HMGCLL1: variants seen among roughly 807,000 people sequenced by gnomAD.
HMGCLL1 encodes the protein 3-hydroxy-3-methylglutaryl-CoA lyase like 1.
A neutral mutation model predicts 39.1 loss-of-function variants in HMGCLL1; 36 were observed. That is an observed-to-expected ratio of 0.92 (90% CI 0.71 to 1.22). The LOEUF is 1.22. Among genes scored for constraint, HMGCLL1 ranks in the 50% most tolerant of loss-of-function variants. The probability of loss-of-function intolerance (pLI) is 0.00; values close to 1 mark genes in which losing one functional copy is unlikely to be tolerated. For synonymous variants in HMGCLL1, 149 were observed against 144.0 expected (o/e 1.03, Z -0.25); for missense variants, 451 against 416.5 (o/e 1.08, Z -0.72).
Position 55,539,566 on chromosome 6 carries a change from C to T in HMGCLL1, c.297+2163G>A, listed in dbSNP as rs188896445. Among the ~76,000 whole-genome samples the T allele has an allele frequency of 4.0e-3, 609 of 151,912 alleles. 2 individuals carry two copies. In the Middle Eastern group the frequency reaches 0.041, roughly 10 times the overall value. Reference sequence around the variant, plus strand: ...TACGGATGAAGCTGGAGGCCATTATCGAACATATTATCTAGCACATTAACT... The same window carrying T: ...TACGGATGAAGCTGGAGGCCATTATTGAACATATTATCTAGCACATTAACT... On this transcript the variant is annotated intron_variant, in intron 3 of 8. Coordinates refer to ENST00000274901, the MANE Select transcript of HMGCLL1 (RefSeq NM_001042406.2).
intron 7 of HMGCLL1, among the ~76,000 whole-genome samples, chr6:55,469,558 G>A (rs1443698549): frequency 1.3e-5 from 2 of 151,144 alleles, no homozygotes; most frequent in African/African-American, 4.8e-5. Context: ...AGAAAAGAAG[G>A]GAAGGAGAGA....
the HMGCLL1 span, among the ~76,000 whole-genome samples, chr6:55,662,320 G>GT: frequency 2.0e-5 from 3 of 151,836 alleles, no homozygotes; most frequent in South Asian, 2.1e-4. Flanking sequence ...ATTGGTTGTG[G>GT]TTTTTTCATT....
chr6:55,471,746 T>C (rs1269892293), intron 7 of HMGCLL1, among the ~76,000 whole-genome samples: 1 of 151,606 alleles, frequency 6.6e-6, no homozygotes, highest in Non-Finnish European at 1.5e-5. Flanking sequence ...ATCATAAGTA[T>C]ACAGATCAAT....
chr6:55,664,310 G>C, the HMGCLL1 span, among the ~76,000 whole-genome samples: 1 of 151,814 alleles, frequency 6.6e-6, no homozygotes, highest in Non-Finnish European at 1.5e-5. Context: ...GGCTGGTAAT[G>C]GTCTTTCCAT....
intron 7 of HMGCLL1, among the ~76,000 whole-genome samples, chr6:55,477,268 AAT>A (rs1225060583): frequency 5.4e-5 from 1 of 18,422 alleles, no homozygotes; most frequent in Non-Finnish European, 7.4e-5. Context: ...TATATTATAT[AAT>A]ATATATTATA....
chr6:55,527,372 C>T (rs1768376941), intron 3 of HMGCLL1, among the ~76,000 whole-genome samples: 1 of 151,928 alleles, frequency 6.6e-6, no homozygotes, highest in Admixed American at 6.6e-5. Context: ...CTATAATTAA[C>T]AAAACTTCTC....
In HMGCLL1 at chr6:55,435,343, T is replaced by A. The variant is rs534982161; in HGVS notation, c.*319A>T. 4 of 209,070 alleles carry A rather than the reference T, an allele frequency of 1.9e-5. No homozygotes were observed. Among genetic ancestry groups the A allele is most frequent in the Non-Finnish European group, 2.9e-5 (3 of 101,860 alleles). 13.0% of individuals were successfully genotyped at this position (209,070 alleles called of 1,614,324 possible). A position where few individuals can be genotyped will look rare whatever the true frequency, so the allele number is the denominator to read the frequency against. On this transcript the variant is annotated 3_prime_UTR_variant, in exon 9 of 9. Transcript: ENST00000274901. ...CTTGATTAAGTATTAACACAGTATTTGATACTTGGGGAAATACGAAGTCAA... is the reference window on the plus strand; with the variant it reads ...CTTGATTAAGTATTAACACAGTATTAGATACTTGGGGAAATACGAAGTCAA...
chr6:55,441,579 G>T (rs1198303034), intron 7 of HMGCLL1, among the ~76,000 whole-genome samples: 1 of 152,124 alleles, frequency 6.6e-6, no homozygotes, highest in Admixed American at 6.6e-5. Context: ...TCTTTTATCT[G>T]TTCTGGGAGC....
chr6:55,557,241 G>A (rs1770722792), intron 1 of HMGCLL1, among the ~76,000 whole-genome samples: 1 of 152,132 alleles, frequency 6.6e-6, no homozygotes, highest in Admixed American at 6.5e-5. Flanking sequence ...AAAGTATATG[G>A]TTGTCTTTAA....
chr6:55,477,290 T>C (rs1453627764), intron 7 of HMGCLL1, among the ~76,000 whole-genome samples: 1 of 10,568 alleles, frequency 9.5e-5, no homozygotes, highest in Non-Finnish European at 1.2e-4. Context: ...ATATTATATA[T>C]AAAATAATAT....
the HMGCLL1 span, among the ~76,000 whole-genome samples, chr6:55,627,211 T>A: frequency 1.3e-5 from 2 of 152,076 alleles, no homozygotes; most frequent in African/African-American, 4.8e-5. Flanking sequence ...ATTTCCTCCT[T>A]CTTTTGTTGA....
chr6:55,435,621 G>A lies in HMGCLL1; in HGVS notation c.*41C>T. On this transcript the variant is annotated 3_prime_UTR_variant, in exon 9 of 9. Coordinates refer to ENST00000274901, the MANE Select transcript of HMGCLL1 (RefSeq NM_001042406.2). Reference sequence around the variant, plus strand: ...TGATTTTCAGATGAGTATTGTAGCTGAAATTGATCTTCTCAACGGTACGTC... The same window carrying A: ...TGATTTTCAGATGAGTATTGTAGCTAAAATTGATCTTCTCAACGGTACGTC... 1 of 1,147,956 alleles carries A rather than the reference G, an allele frequency of 8.7e-7. No individual in the cohort carries two copies. The highest frequency in any genetic ancestry group is 2.0e-5 in the Admixed American group (1 of 49,384). The allele number at this position is 1,147,956 out of a possible 1,614,324, so 71.1% of individuals were successfully genotyped here.
chr6:55,620,626 T>TAC, the HMGCLL1 span, among the ~76,000 whole-genome samples: 356 of 149,336 alleles, frequency 2.4e-3, no homozygotes, highest in South Asian at 4.0e-3. Context: ...TTTGGGGTGT[T>TAC]ACACACACAC....
intron 1 of HMGCLL1, among the ~76,000 whole-genome samples, chr6:55,568,491 A>C (rs1771319508): frequency 6.6e-6 from 1 of 152,216 alleles, no homozygotes; most frequent in Non-Finnish European, 1.5e-5. Flanking sequence ...ATTAATTAAT[A>C]GTGCAAATTC....
At chr6:55,533,634 C>A (rs1280016373) in intron 3 of HMGCLL1, among the ~76,000 whole-genome samples, 1 of 151,908 alleles carries the variant, frequency 6.6e-6, no homozygotes, top group African/African-American at 2.4e-5. Context: ...CGTCTGTAAT[C>A]CCAGCACTTT....
At chr6:55,483,372 TCTC>T (rs1351647951) in intron 7 of HMGCLL1, among the ~76,000 whole-genome samples, 1 of 152,080 alleles carries the variant, frequency 6.6e-6, no homozygotes, top group Non-Finnish European at 1.5e-5. Context: ...TTCAAGCAAT[TCTC>T]CTGCCTCAGC....
At chr6:55,461,833 T>A (rs1345183105) in intron 7 of HMGCLL1, among the ~76,000 whole-genome samples, 1 of 152,148 alleles carries the variant, frequency 6.6e-6, no homozygotes, top group African/African-American at 2.4e-5. Context: ...CCAAAATATA[T>A]ACCTGTGAAG....
chr6:55,510,666 A>T (rs1421732497), intron 5 of HMGCLL1, among the ~76,000 whole-genome samples: 1 of 148,072 alleles, frequency 6.8e-6, no homozygotes. Context: ...GGGGAGGGAT[A>T]GCATTAAGAG....
chr6:55,567,342 A>AG (rs1340806083), intron 1 of HMGCLL1, among the ~76,000 whole-genome samples: 4 of 152,114 alleles, frequency 2.6e-5, no homozygotes, highest in Admixed American at 2.0e-4. Flanking sequence ...GTAAAGTGAT[A>AG]GATTAGATAG....
Sources: allele counts gnomAD v4.1 joint callset (sites outside exome capture counted in the v4.1 genomes callset), GRCh38; gene constraint gnomAD v4.1.1; transcripts MANE v1.5; gene names NCBI Gene and HGNC (gene_info 2026-07-23, HGNC 2026-07-21).